UNC13C: variants seen among roughly 807,000 people sequenced by gnomAD.
UNC13C encodes the protein unc-13 homolog C, also known as protein unc-13 homolog C.
UNC13C carries 174 observed loss-of-function variants against 245.4 expected under a neutral mutation model. The ratio of observed to expected loss-of-function variants is 0.71; its 90% CI spans 0.63 to 0.80. The LOEUF (loss-of-function observed/expected upper bound fraction) is 0.80. UNC13C is among the 30% of genes least tolerant of loss of function. UNC13C has a pLI of 0.00. For synonymous variants in UNC13C, 992 were observed against 895.1 expected (o/e 1.11, Z -1.93); for missense variants, 2,829 against 2,602.9 (o/e 1.09, Z -1.89).
At chr15:54,361,025 A>G (rs558765999) in intron 17 of UNC13C, among the ~76,000 whole-genome samples, 33 of 152,208 alleles carry the variant, frequency 2.2e-4, no homozygotes, top group Non-Finnish European at 4.6e-4. Flanking sequence ...GGAAATATTC[A>G]CCCATTATTT....
chr15:54,342,017 A>G (rs986276337), intron 17 of UNC13C, among the ~76,000 whole-genome samples: 3 of 151,940 alleles, frequency 2.0e-5, no homozygotes, highest in East Asian at 1.9e-4. Context: ...GTATTTCCCA[A>G]TCCCATCCTA....
intron 2 of UNC13C, among the ~76,000 whole-genome samples, chr15:54,024,579 C>T (rs1336919678): frequency 3.3e-5 from 5 of 152,104 alleles, no homozygotes; most frequent in Non-Finnish European, 7.4e-5. Flanking sequence ...TGATTGAGTT[C>T]TACACCATGG....
intron 19 of UNC13C, among the ~76,000 whole-genome samples, chr15:54,442,114 A>G (rs1019915318): frequency 2.6e-5 from 4 of 152,028 alleles, no homozygotes; most frequent in African/African-American, 9.7e-5. Context: ...TCTTCCACAA[A>G]GAGAGATAAT....
intron 4 of UNC13C, among the ~76,000 whole-genome samples, chr15:54,202,980 T>C (rs2034570940): frequency 6.6e-6 from 1 of 151,336 alleles, no homozygotes; most frequent in South Asian, 2.1e-4. Flanking sequence ...GGAAAAAAAT[T>C]TCTATCAAAA....
chr15:53,998,439 G>A (rs1234013210), intron 1 of UNC13C, among the ~76,000 whole-genome samples: 1 of 151,982 alleles, frequency 6.6e-6, no homozygotes, highest in East Asian at 1.9e-4. Context: ...TGCTAGTAGT[G>A]AGAAACATAA....
At chr15:54,163,961 A>G (rs540548115) in intron 4 of UNC13C, among the ~76,000 whole-genome samples, 1 of 152,316 alleles carries the variant, frequency 6.6e-6, no homozygotes, top group Non-Finnish European at 1.5e-5. Context: ...TGCAGTATGA[A>G]TAATATGGCT....
chr15:54,622,495 T>A, intron 31 of UNC13C, 76 bp downstream of exon 31: 3 of 1,143,826 alleles, frequency 2.6e-6, no homozygotes, highest in Non-Finnish European at 3.9e-6. Context: ...AATGTAACTT[T>A]TCTTGCATTT....
chr15:54,295,158 C>T (rs752038663), intron 11 of UNC13C, among the ~76,000 whole-genome samples: 22 of 152,172 alleles, frequency 1.4e-4, no homozygotes, highest in African/African-American at 5.3e-4. Context: ...TAAATGACTT[C>T]GTATATGAAA....
At chr15:54,168,626 G>A (rs1458299622) in intron 4 of UNC13C, among the ~76,000 whole-genome samples, 2 of 152,074 alleles carry the variant, frequency 1.3e-5, no homozygotes, top group Non-Finnish European at 2.9e-5. Flanking sequence ...GATATGTCTT[G>A]CTTCCTGTTC....
At chr15:53,935,977 C>A in the UNC13C span, among the ~76,000 whole-genome samples, 1 of 152,166 alleles carries the variant, frequency 6.6e-6, no homozygotes, top group Non-Finnish European at 1.5e-5. Flanking sequence ...AGCAGGAGAT[C>A]TGATCATTTA....
chr15:53,884,650 T>C, the UNC13C span, among the ~76,000 whole-genome samples: 1 of 152,116 alleles, frequency 6.6e-6, no homozygotes, highest in Admixed American at 6.6e-5. Context: ...CTTCACTCTT[T>C]ACTTGCTTCC....
chr15:54,442,751 A>G (rs1180096134), intron 19 of UNC13C, among the ~76,000 whole-genome samples: 1 of 152,042 alleles, frequency 6.6e-6, no homozygotes, highest in Non-Finnish European at 1.5e-5. Flanking sequence ...TTGAGCTATC[A>G]TGGCATTCCT....
intron 19 of UNC13C, among the ~76,000 whole-genome samples, chr15:54,422,387 A>T (rs187954995): frequency 9.9e-5 from 15 of 152,152 alleles, no homozygotes; most frequent in African/African-American, 3.6e-4. Context: ...AGCTCATAAC[A>T]TTCAGATTGA....
At chr15:54,294,161 G>C in intron 11 of UNC13C, 97 bp downstream of exon 11, 1 of 1,067,584 alleles carries the variant, frequency 9.4e-7, no homozygotes, top group Non-Finnish European at 1.3e-6. Context: ...AATAACCAAT[G>C]CCTTTCCAGG....
chr15:54,437,595 A>G (rs1358410565), intron 19 of UNC13C, among the ~76,000 whole-genome samples: 1 of 151,892 alleles, frequency 6.6e-6, no homozygotes, highest in Non-Finnish European at 1.5e-5. Context: ...TAATGATACA[A>G]TAGCTTTTGA....
chr15:54,589,330 ACT>A (rs1297504636), intron 30 of UNC13C, among the ~76,000 whole-genome samples: 1 of 100,978 alleles, frequency 9.9e-6, no homozygotes, highest in Non-Finnish European at 1.8e-5. Flanking sequence ...ACTGAGTCTC[ACT>A]CTGTCACCCA....
At chr15:54,234,916 A>G in intron 4 of UNC13C, 114 bp from the exon 5 acceptor site, 1 of 881,304 alleles carries the variant, frequency 1.1e-6, no homozygotes. Context: ...ATCGTTTGAA[A>G]ACTATGGTAT....
At chr15:54,179,238 C>A (rs1353320691) in intron 4 of UNC13C, among the ~76,000 whole-genome samples, 1 of 151,850 alleles carries the variant, frequency 6.6e-6, no homozygotes, top group Non-Finnish European at 1.5e-5. Context: ...TATGCACATA[C>A]AATAAAAAAT....
chr15:54,618,041 A>G (rs987066251), intron 30 of UNC13C, among the ~76,000 whole-genome samples: 1 of 152,138 alleles, frequency 6.6e-6, no homozygotes, highest in Non-Finnish European at 1.5e-5. Flanking sequence ...CATATAGGTC[A>G]TTACCAATTA....
Sources: gnomAD v4.1 joint callset for allele counts (sites outside exome capture counted in the v4.1 genomes callset) on GRCh38, gnomAD v4.1.1 for gene constraint, MANE v1.5 for transcripts, NCBI Gene and HGNC (gene_info 2026-07-23, HGNC 2026-07-21) for gene names.